Variants in DNAH7 observed in about 807,000 individuals in gnomAD.
DNAH7 encodes the protein axonemal beta dynein heavy chain 7.
DNAH7 carries 397 observed loss-of-function variants against 444.6 expected under a neutral mutation model. The observed-to-expected ratio is 0.89, with a 90% CI of 0.82 to 0.97. The LOEUF (loss-of-function observed/expected upper bound fraction) is 0.97. DNAH7 is among the 50% of genes least tolerant of loss of function. The pLI is 0.00. For synonymous variants in DNAH7, 1,636 were observed against 1,624.4 expected, an observed-to-expected ratio of 1.01 and a Z score of -0.17; for missense variants, 4,902 against 4,800.8, an observed-to-expected ratio of 1.02 and a Z score of -0.62.
chr2:195,757,097 G>C (rs1320962511), intron 61 of DNAH7, among the ~76,000 whole-genome samples: 1 of 152,018 alleles, frequency 6.6e-6, no homozygotes, highest in African/African-American at 2.4e-5. Context: ...CGAAGTGCTG[G>C]GATTAAAGGC....
intron 47 of DNAH7, among the ~76,000 whole-genome samples, chr2:195,834,978 T>C (rs1389400340): frequency 2.0e-5 from 3 of 152,212 alleles, no homozygotes; most frequent in Non-Finnish European, 2.9e-5. Flanking sequence ...GTATTTAGTG[T>C]CATATATGTA....
At chr2:195,765,025 G>A (rs1694508978) in intron 61 of DNAH7, among the ~76,000 whole-genome samples, 3 of 152,152 alleles carry the variant, frequency 2.0e-5, no homozygotes, top group South Asian at 4.2e-4. Context: ...CATGGTACTG[G>A]CATAAAAACA....
At position 195,794,366 on chromosome 2, in the gene DNAH7, G is replaced by C. The variant is rs747008653; in HGVS notation, c.10688C>G (p.Pro3563Arg). The C allele has an allele frequency of 6.2e-7, 1 of 1,614,092 alleles. No individual in the cohort carries two copies. The highest frequency in any genetic ancestry group is 2.2e-5 in the East Asian group (1 of 44,872). Residue 3563 changes from proline to arginine, a missense_variant, in exon 57 of 65, where the codon CCG (proline) becomes CGG (arginine). Physicochemically the swap from Pro to Arg is moderately radical, Grantham distance 103 (BLOSUM62 -2). Coordinates refer to ENST00000312428, the MANE Select transcript of DNAH7 (RefSeq NM_018897.3). ...RSYLMDPISD[P>R]EFFGSCKKPE... ...CTTTTTGCAGCTGCCAAAGAACTCC[G>C]GATCAGAGATCGGGTCCATGAGGTA...
chr2:195,847,012 C>T (rs1193660123), intron 46 of DNAH7, among the ~76,000 whole-genome samples: 1 of 144,598 alleles, frequency 6.9e-6, no homozygotes, highest in Non-Finnish European at 1.5e-5. Context: ...TTTAGAGAAT[C>T]CTATTAGTTC....
chr2:195,831,964 A>C (rs114770010), intron 48 of DNAH7, among the ~76,000 whole-genome samples: 2,728 of 152,344 alleles, frequency 0.018, 79 homozygotes, highest in African/African-American at 0.062. Context: ...AGTGGCTGGA[A>C]TCACCACTGG....
At chr2:196,042,159 T>C (rs530067479) in intron 5 of DNAH7, among the ~76,000 whole-genome samples, 25 of 152,168 alleles carry the variant, frequency 1.6e-4, no homozygotes, top group Admixed American at 5.9e-4. Context: ...GTATGGAAGT[T>C]CCTTTAAAAA....
intron 16 of DNAH7, among the ~76,000 whole-genome samples, chr2:195,971,784 A>G (rs1370300944): frequency 6.6e-6 from 1 of 152,084 alleles, no homozygotes; most frequent in East Asian, 1.9e-4. Flanking sequence ...CCCCCAAGAA[A>G]AAAGCTGGAG....
At chr2:195,914,464 T>C (rs1049593806) in intron 24 of DNAH7, among the ~76,000 whole-genome samples, 3 of 152,176 alleles carry the variant, frequency 2.0e-5, no homozygotes, top group African/African-American at 7.2e-5. Context: ...CTTCAAGTGA[T>C]TGGGCCTGCC....
chr2:196,005,349 A>G (rs1694309765), intron 10 of DNAH7, among the ~76,000 whole-genome samples: 1 of 151,774 alleles, frequency 6.6e-6, no homozygotes, highest in Non-Finnish European at 1.5e-5. Flanking sequence ...AAGAAGGAGA[A>G]GGGAGGAAAT....
intron 27 of DNAH7, chr2:195,902,225 C>G (rs2125271288): frequency 6.6e-6 from 1 of 152,222 alleles, no homozygotes; most frequent in South Asian, 2.1e-4. Context: ...TAAGAACCTT[C>G]TAATGTGTTG....
At chr2:195,907,151 G>T in intron 25 of DNAH7, 142 bp from the exon 26 acceptor site, 1 of 593,240 alleles carries the variant, frequency 1.7e-6, no homozygotes. Context: ...AAAGGCAGCT[G>T]ATTTTTTCAT....
At position 195,960,512 on chromosome 2, in the gene DNAH7, T is replaced by C; in HGVS notation, c.2639A>G (p.Asn880Ser). ...DSTVSSFLDM[N>S]LEPYIDRFEG... ...AAATCGGTCTATATATGGTTCCAGA[T>C]TCATGTCTAAAAAAGAGGAGACTGT... The change falls in exon 18 of 65, where the codon AAT becomes AGT. Residue 880 changes from asparagine (N) to serine (S), a missense_variant. Transcript: ENST00000312428. The C allele has an allele frequency of 1.9e-6, 3 of 1,614,192 alleles. No individual in the cohort carries two copies. Among genetic ancestry groups the C allele is most frequent in the Non-Finnish European group, 2.5e-6 (3 of 1,180,034 alleles).
Position 195,934,814 on chromosome 2 carries a change from T to A in DNAH7, c.3273-25A>T, listed in dbSNP as rs565162738. The A allele has an allele frequency of 3.1e-6, 5 of 1,611,988 alleles. No homozygotes were observed. In the African/African-American group the frequency reaches 6.7e-5, roughly 21 times the overall value. ...CCTGTCAGGAAAAACATTTTTAAGA[T>A]AATTAACCAAGTTAAAACAATTCTT... On this transcript the variant is annotated intron_variant, in intron 20 of 64. Coordinates refer to ENST00000312428, the MANE Select transcript of DNAH7 (RefSeq NM_018897.3).
At chr2:195,764,598 A>C (rs1694488818) in intron 61 of DNAH7, among the ~76,000 whole-genome samples, 1 of 152,172 alleles carries the variant, frequency 6.6e-6, no homozygotes, top group Non-Finnish European at 1.5e-5. Context: ...AAGAGTGAAC[A>C]ATCTGAAAAG....
At chr2:195,767,485 T>C (rs1694641091) in intron 61 of DNAH7, among the ~76,000 whole-genome samples, 1 of 151,984 alleles carries the variant, frequency 6.6e-6, no homozygotes, top group African/African-American at 2.4e-5. Flanking sequence ...TTACTCCTCC[T>C]CCTCAAAATT....
At chr2:195,792,436 C>CACA (rs1553519819) in intron 57 of DNAH7, among the ~76,000 whole-genome samples, 1 of 135,242 alleles carries the variant, frequency 7.4e-6, no homozygotes, top group African/African-American at 2.9e-5. Flanking sequence ...CACACACACA[C>CACA]ATTAAAAAAA....
chr2:195,884,939 G>T, intron 34 of DNAH7, 130 bp from the exon 35 acceptor site: 2 of 669,568 alleles, frequency 3.0e-6, no homozygotes, highest in East Asian at 2.8e-5. Flanking sequence ...ATATTAGTAG[G>T]TCATCTCAGG....
intron 36 of DNAH7, among the ~76,000 whole-genome samples, chr2:195,877,944 G>A (rs1399224804): frequency 6.6e-6 from 1 of 152,178 alleles, no homozygotes; most frequent in Non-Finnish European, 1.5e-5. Context: ...TAGAATAAAA[G>A]TAGGAATATA....
Position 195,776,021 on chromosome 2 carries a change from A to G in DNAH7, c.11065-38T>C, listed in dbSNP as rs1323747112. The G allele has an allele frequency of 1.9e-6, 3 of 1,605,836 alleles. No individual in the cohort carries two copies. The African/African-American group carries it at 4.0e-5, about 22-fold the overall frequency. On this transcript the variant is annotated intron_variant, in intron 59 of 64. Transcript: ENST00000312428. ...ATAACAAGAAGTCAGGAGGTTAGAAATCAATTACTTTCTAGAACTTTTCAC... is the reference window on the plus strand; with the variant it reads ...ATAACAAGAAGTCAGGAGGTTAGAAGTCAATTACTTTCTAGAACTTTTCAC...
Sources: allele counts gnomAD v4.1 joint callset (sites outside exome capture counted in the v4.1 genomes callset), GRCh38; gene constraint gnomAD v4.1.1; transcripts MANE v1.5; gene names NCBI Gene and HGNC (gene_info 2026-07-23, HGNC 2026-07-21).